The following COL5A2 variants were observed in gnomAD, a reference collection of about 807,000 sequenced individuals.
COL5A2 encodes collagen alpha-2(V) chain.
Under a neutral mutation model 208.2 loss-of-function variants are expected in COL5A2, and 23 were observed. The observed-to-expected ratio is 0.11, with a 90% CI of 0.08 to 0.16. COL5A2 has a LOEUF of 0.16. Among genes scored for constraint, COL5A2 ranks in the 10% least tolerant of loss-of-function variants. The pLI is 1.00. For synonymous variants in COL5A2, 625 were observed against 628.5 expected, an observed-to-expected ratio of 0.99 and a Z score of 0.08; for missense variants, 1,590 against 1,956.4, an observed-to-expected ratio of 0.81 and a Z score of 3.53.
Position 189,063,263 on chromosome 2 carries a change from G to C in COL5A2, c.1778C>G (p.Pro593Arg), listed in dbSNP as rs776671435. The C allele has an allele frequency of 6.2e-7, 1 of 1,613,706 alleles. No individual in the cohort carries two copies. Among genetic ancestry groups the C allele is most frequent in the Non-Finnish European group, 8.5e-7 (1 of 1,179,896 alleles). Residue 593 changes from proline to arginine, a missense_variant, in exon 27 of 54, where the codon CCA becomes CGA. Transcript: ENST00000374866. ...PEGKLGPLGA[P>R]GEDGRPGPPG... ...AGGACCTGGACGGCCATCTTCCCCT[G>C]GCGCACCCTATAGAATTGACAGGAG...
chr2:189,223,699 A>G (rs2105881143), intron 1 of COL5A2, among the ~76,000 whole-genome samples: 1 of 152,266 alleles, frequency 6.6e-6, no homozygotes, highest in African/African-American at 2.4e-5. Flanking sequence ...AAGGAGCTAC[A>G]TTGTTATTCC....
chr2:189,408,825 CTG>C, the COL5A2 span, among the ~76,000 whole-genome samples: 1 of 152,116 alleles, frequency 6.6e-6, no homozygotes, highest in Non-Finnish European at 1.5e-5. Flanking sequence ...ATTTGTGAGT[CTG>C]TCAAATTTTT....
chr2:189,400,613 A>G, the COL5A2 span, among the ~76,000 whole-genome samples: 3 of 152,064 alleles, frequency 2.0e-5, no homozygotes, highest in African/African-American at 7.2e-5. Flanking sequence ...TTTTTTCTTT[A>G]ACTTCAAAGA....
the COL5A2 span, among the ~76,000 whole-genome samples, chr2:189,364,713 C>T: frequency 1.3e-5 from 2 of 151,780 alleles, no homozygotes; most frequent in East Asian, 1.9e-4. Flanking sequence ...GTAGCAACTT[C>T]CAGTCTCAGC....
chr2:189,319,545 C>T, the COL5A2 span, among the ~76,000 whole-genome samples: 5 of 152,372 alleles, frequency 3.3e-5, no homozygotes, highest in African/African-American at 4.8e-5. Context: ...GAGGGTCCCA[C>T]GCCCACGGAG....
chr2:189,171,694 C>T (rs1688577465), intron 1 of COL5A2, among the ~76,000 whole-genome samples: 1 of 152,164 alleles, frequency 6.6e-6, no homozygotes, highest in Non-Finnish European at 1.5e-5. Context: ...TGGTTCTAGG[C>T]TGCCTTTGGG....
intron 7 of COL5A2, among the ~76,000 whole-genome samples, chr2:189,091,108 A>G (rs924389364): frequency 3.3e-5 from 5 of 152,206 alleles, no homozygotes; most frequent in Admixed American, 3.3e-4. Context: ...AAGCCTCAAG[A>G]GAAGTTTGGA....
chr2:189,128,013 A>G (rs1687641981), intron 1 of COL5A2, among the ~76,000 whole-genome samples: 1 of 152,026 alleles, frequency 6.6e-6, no homozygotes, highest in South Asian at 2.1e-4. Context: ...AAGTGTAGGA[A>G]AGAGGGCAAG....
At chr2:189,316,577 T>C in the COL5A2 span, among the ~76,000 whole-genome samples, 1 of 151,716 alleles carries the variant, frequency 6.6e-6, no homozygotes. Context: ...CAACACAAAC[T>C]GGGGTCCTTC....
chr2:189,129,004 C>T (rs555975131), intron 1 of COL5A2, among the ~76,000 whole-genome samples: 11 of 151,954 alleles, frequency 7.2e-5, no homozygotes, highest in African/African-American at 2.7e-4. Flanking sequence ...TAACAAATCT[C>T]CATGGAAAAA....
At chr2:189,341,990 TTGAAC>T in the COL5A2 span, among the ~76,000 whole-genome samples, 1 of 152,148 alleles carries the variant, frequency 6.6e-6, no homozygotes, top group Non-Finnish European at 1.5e-5. Context: ...AAATTATTGA[TTGAAC>T]TGAACTACCT....
At chr2:189,412,499 C>A in the COL5A2 span, among the ~76,000 whole-genome samples, 1 of 152,132 alleles carries the variant, frequency 6.6e-6, no homozygotes, top group Non-Finnish European at 1.5e-5. Flanking sequence ...TCTGGTTAGG[C>A]AAGCATAATG....
intron 17 of COL5A2, among the ~76,000 whole-genome samples, chr2:189,073,384 T>A (rs768301981): frequency 6.6e-6 from 1 of 152,152 alleles, no homozygotes; most frequent in East Asian, 1.9e-4. Flanking sequence ...AAACATTTTA[T>A]AAATATATTT....
Position 189,085,061 on chromosome 2 carries a change from G to T in COL5A2, c.798+99C>A, listed in dbSNP as rs57796506. ...TGAATTTAATGCAAGCTAAAAGGGT[G>T]GGGAAATGTAATGGAAATTAATACA... On this transcript the variant is annotated intron_variant, in intron 11 of 53. Transcript: ENST00000374866. The T allele has an allele frequency of 0.15, 140,269 of 954,456 alleles. 10,823 individuals carry two copies. The highest frequency in any genetic ancestry group is 0.24 in the Middle Eastern group (1,152 of 4,716). The allele number at this position is 954,456 out of a possible 1,614,324, so 59.1% of individuals were successfully genotyped here.
chr2:189,113,424 C>T (rs964641515), intron 1 of COL5A2, among the ~76,000 whole-genome samples: 1 of 151,852 alleles, frequency 6.6e-6, no homozygotes, highest in African/African-American at 2.4e-5. Context: ...CAGAGTGAGA[C>T]CTGGACTCAC....
At chr2:189,072,561 C>CA (rs1686298217) in intron 17 of COL5A2, among the ~76,000 whole-genome samples, 1 of 152,072 alleles carries the variant, frequency 6.6e-6, no homozygotes, top group Non-Finnish European at 1.5e-5. Flanking sequence ...CACCTGAGGT[C>CA]AGGAGTTCGA....
At chr2:189,330,847 A>G in the COL5A2 span, among the ~76,000 whole-genome samples, 1 of 152,340 alleles carries the variant, frequency 6.6e-6, no homozygotes, top group East Asian at 1.9e-4. Flanking sequence ...AGAAAATAAT[A>G]CCTTCAATTT....
chr2:189,156,930 A>G (rs1688259276), intron 1 of COL5A2, among the ~76,000 whole-genome samples: 1 of 152,020 alleles, frequency 6.6e-6, no homozygotes, highest in African/African-American at 2.4e-5. Flanking sequence ...TAGCTGAAAA[A>G]TAATATCTAT....
chr2:189,082,203 TA>T (rs1361944272), intron 12 of COL5A2, among the ~76,000 whole-genome samples: 19 of 152,352 alleles, frequency 1.2e-4, no homozygotes, highest in African/African-American at 4.3e-4. Context: ...CTGCAAATCA[TA>T]GGTTTCATTC....
Sources: gnomAD v4.1 joint callset for allele counts (sites outside exome capture counted in the v4.1 genomes callset) on GRCh38, gnomAD v4.1.1 for gene constraint, MANE v1.5 for transcripts, NCBI Gene and HGNC (gene_info 2026-07-23, HGNC 2026-07-21) for gene names.